The following FLNC variants were observed in gnomAD, a reference collection of about 807,000 sequenced individuals.
FLNC encodes filamin C, also known as filamin-C.
In FLNC, 91 loss-of-function variants were observed where a neutral mutation model predicts 254.3. The observed-to-expected ratio is 0.36, with a 90% CI of 0.30 to 0.43. The LOEUF is 0.43. Among genes scored for constraint, FLNC ranks in the 20% least tolerant of loss-of-function variants. The pLI is 1.00. For missense variants in FLNC, 2,853 were observed against 3,802.6 expected (o/e 0.75, Z 6.57); for synonymous variants, 1,430 against 1,577.2 (o/e 0.91, Z 2.21).
intron 39 of FLNC, 68 bp from the exon 40 acceptor site, chr7:128,853,906 G>T: frequency 6.2e-7 from 1 of 1,613,068 alleles, no homozygotes; most frequent in African/African-American, 1.3e-5. Flanking sequence ...GAGCCCACCT[G>T]TCGGGCCTCC....
chr7:128,849,307 T>G (rs1264280239), intron 29 of FLNC, 24 bp from the exon 30 acceptor site: 2 of 1,614,082 alleles, frequency 1.2e-6, no homozygotes, highest in East Asian at 2.2e-5. Flanking sequence ...ACCAGCTCCC[T>G]GAGCAGGATC....
In FLNC at chr7:128,837,567, C is replaced by T. The variant is rs776614185; in HGVS notation, c.850+19C>T. On this transcript the variant is annotated intron_variant, in intron 4 of 47. Coordinates refer to ENST00000325888, the MANE Select transcript of FLNC (RefSeq NM_001458.5). ...GGGCCTGGTATGTGTGAGCCCCTGG[C>T]GGCCCTCCTGGGCAGCTGGGCACAT... 3.4e-5 allele frequency: 55 copies of T among 1,613,868 alleles called. No individual in the cohort carries two copies. Among genetic ancestry groups the T allele is most frequent in the South Asian group, 2.7e-4 (25 of 91,096 alleles).
Position 128,844,212 on chromosome 7 carries a change from G to C in FLNC, c.3138G>C (p.Pro1046=), listed in dbSNP as rs369739262. Reference sequence around the variant, plus strand: ...TGGATATCACCTACGATGGTCACCCGGTGCCTGGCAGCCCGTTTGCTGTGG... The same window carrying C: ...TGGATATCACCTACGATGGTCACCCCGTGCCTGGCAGCCCGTTTGCTGTGG... ...YKVDITYDGH[P]VPGSPFAVEG... The change falls in exon 20 of 48, where the codon CCG becomes CCC. Residue 1046 remains proline, a synonymous_variant. Coordinates refer to ENST00000325888, the MANE Select transcript of FLNC (RefSeq NM_001458.5). The C allele has an allele frequency of 6.2e-7, 1 of 1,612,204 alleles. No homozygotes were observed. Among genetic ancestry groups the C allele is most frequent in the Admixed American group, 1.7e-5 (1 of 59,964 alleles).
In FLNC at chr7:128,849,570, C is replaced by G. The variant is rs1255727604; in HGVS notation, c.5191C>G (p.His1731Asp). Residue 1731 changes from histidine (H) to aspartate (D), a missense_variant, in exon 30 of 48, where the codon CAC (histidine) becomes GAC (aspartate). By Grantham distance (81) the His-to-Asp change is moderately conservative. This residue lies in a region of FLNC where 258 missense variants were observed against 312.3 expected (regional missense o/e 0.83). Coordinates refer to ENST00000325888, the MANE Select transcript of FLNC (RefSeq NM_001458.5). ...GGEHIPNSPF[H>D]VLACDPLPHE... ...TGAGCACATCCCCAACAGCCCCTTC[C>G]ACGTGCTGGTAAGTTCTGTAGCCAC... 1.2e-6 allele frequency: 2 copies of G among 1,613,962 alleles called. No individual in the cohort carries two copies. Among genetic ancestry groups the G allele is most frequent in the Non-Finnish European group, 1.7e-6 (2 of 1,180,010 alleles).
chr7:128,835,694 C>T lies in FLNC; in HGVS notation c.601+120C>T, dbSNP rs1219379464. The T allele has an allele frequency of 1.0e-5, 12 of 1,161,960 alleles. No individual in the cohort carries two copies. The highest frequency in any genetic ancestry group is 1.5e-5 in the African/African-American group (1 of 65,916). The allele number at this position is 1,161,960 out of a possible 1,614,324, so 72.0% of individuals were successfully genotyped here. ...CACCCTGGGGCCTGGGGGCCAGGATCCCCTGCAGGGTTTGTCCTCCTCCAG... is the reference window on the plus strand; with the variant it reads ...CACCCTGGGGCCTGGGGGCCAGGATTCCCTGCAGGGTTTGTCCTCCTCCAG... On this transcript the variant is annotated intron_variant, in intron 2 of 47. Coordinates refer to ENST00000325888, the MANE Select transcript of FLNC (RefSeq NM_001458.5). This position sits in a 1 kb window ranked among gnomAD's most constrained non-coding sequence, Gnocchi z 5.3.
rs1266842958 is a variant in FLNC at position 128,846,119 on chromosome 7, A to G, written c.3920A>G (p.Asn1307Ser). The G allele has an allele frequency of 6.2e-7, 1 of 1,613,924 alleles. No individual in the cohort carries two copies. Among genetic ancestry groups the G allele is most frequent in the Non-Finnish European group, 8.5e-7 (1 of 1,179,962 alleles). ...AAGACAGACACCTATGTGACAGACA[A>G]TGGGGACGGCACCTACCGAGTGCAG... ...GAKTDTYVTD[N>S]GDGTYRVQYT... Residue 1307 changes from asparagine to serine, a missense_variant, in exon 22 of 48, where the codon AAT becomes AGT. By Grantham distance (46) the Asn-to-Ser change is conservative. This residue lies in a region of FLNC where 1,573 missense variants were observed against 1,883.5 expected (regional missense o/e 0.84). Coordinates refer to ENST00000325888, the MANE Select transcript of FLNC (RefSeq NM_001458.5).
Position 128,843,327 on chromosome 7 carries a change from TC to T in FLNC, c.2641+9del. ...CTGGGCTGAATCGCACAGGTGAGTGTCTGGGCAGGGGCTGGGACTGGCTCGA... is the reference window on the plus strand; with the variant it reads ...CTGGGCTGAATCGCACAGGTGAGTGTTGGGCAGGGGCTGGGACTGGCTCGA... On this transcript the variant is annotated intron_variant, in intron 17 of 47. Transcript: ENST00000325888. The T allele has an allele frequency of 1.2e-6, 2 of 1,613,112 alleles. No homozygotes were observed. Among genetic ancestry groups the T allele is most frequent in the Non-Finnish European group, 1.7e-6 (2 of 1,179,620 alleles).
At chr7:128,839,292 T>C (rs750459027) in intron 8 of FLNC, among the ~76,000 whole-genome samples, 4 of 152,228 alleles carry the variant, frequency 2.6e-5, no homozygotes, top group Non-Finnish European at 5.9e-5. Flanking sequence ...TGCCGTTGTC[T>C]GTGTTCTGTG....
In FLNC at chr7:128,840,985, G is replaced by T; in HGVS notation, c.1813+15G>T. 1 of 1,584,550 alleles carries T rather than the reference G, an allele frequency of 6.3e-7. No individual in the cohort carries two copies. Among genetic ancestry groups the T allele is most frequent in the East Asian group, 2.3e-5 (1 of 43,160 alleles). On this transcript the variant is annotated intron_variant, in intron 11 of 47. Coordinates refer to ENST00000325888, the MANE Select transcript of FLNC (RefSeq NM_001458.5). ...GGGGACACTGGGTAAGTGGCTGGGG[G>T]GCAGGAGGAGGGAGTGCTGCGGGGG...
chr7:128,831,912 G>T (rs75910836), intron 1 of FLNC, among the ~76,000 whole-genome samples: 89 of 152,282 alleles, frequency 5.8e-4, no homozygotes, highest in African/African-American at 2.1e-3. Flanking sequence ...CATCCCTGAG[G>T]CTGGGGGCCT....
At chr7:128,848,503 C>T (rs1410408847) in intron 26 of FLNC, 58 bp from the exon 27 acceptor site, 2 of 1,572,182 alleles carry the variant, frequency 1.3e-6, no homozygotes, top group African/African-American at 1.3e-5. Context: ...GATGAGATCA[C>T]CCCCCACCGC....
chr7:128,852,512 C>T (rs1808861341), intron 35 of FLNC, 79 bp from the exon 36 acceptor site: 1 of 1,554,986 alleles, frequency 6.4e-7, no homozygotes, highest in South Asian at 1.1e-5. Flanking sequence ...GGGGGGGCTG[C>T]TCAGGAGGGT....
chr7:128,831,071 G>C, intron 1 of FLNC, 82 bp downstream of exon 1: 1 of 1,356,916 alleles, frequency 7.4e-7, no homozygotes, highest in Non-Finnish European at 1.0e-6. Context: ...GGGTGGGCGC[G>C]CGGGGAGCTG....
intron 1 of FLNC, among the ~76,000 whole-genome samples, chr7:128,834,652 A>T (rs1003321788): frequency 2.0e-5 from 3 of 152,058 alleles, no homozygotes; most frequent in African/African-American, 7.2e-5. Context: ...GAAAGATAAA[A>T]CCTAGTGTCT....
At chr7:128,839,669 G>A (rs1268118586) in intron 8 of FLNC, among the ~76,000 whole-genome samples, 1 of 152,260 alleles carries the variant, frequency 6.6e-6, no homozygotes, top group African/African-American at 2.4e-5. Flanking sequence ...GCATGACTTA[G>A]ATCCTAAGGT....
Position 128,836,841 on chromosome 7 carries a change from G to A in FLNC, c.602-319G>A, listed in dbSNP as rs554839586. On this transcript the variant is annotated intron_variant, in intron 2 of 47. Coordinates refer to ENST00000325888, the MANE Select transcript of FLNC (RefSeq NM_001458.5). The surrounding 1 kb of genome is among the most constrained non-coding windows in gnomAD (Gnocchi z 6.0). The stretch of plus-strand genomic sequence containing the variant: ...TGAATGAGGCAAGAGATAGCGAGAG[G>A]GGGTACCCTCCCAGGGTTTGGGGTT... Among the ~76,000 whole-genome samples, 3 of 152,326 alleles carry A rather than the reference G, an allele frequency of 2.0e-5. No homozygotes were observed. The highest frequency in any genetic ancestry group is 7.2e-5 in the African/African-American group (3 of 41,570).
rs749292393 is a variant in FLNC, at chr7:128,853,538, A to C, written c.6278A>C (p.Asp2093Ala). 6.2e-7 allele frequency: 1 copy of C among 1,614,084 alleles called. No homozygotes were observed. The highest frequency in any genetic ancestry group is 8.5e-7 in the Non-Finnish European group (1 of 1,180,024). Residue 2093 changes from aspartate to alanine, a missense_variant, in exon 38 of 48, where the codon GAC (aspartate) becomes GCC (alanine). Physicochemically the swap from Asp to Ala is moderately radical, Grantham distance 126. This residue lies in a region of FLNC where 551 missense variants were observed against 835.0 expected (regional missense o/e 0.66). Transcript: ENST00000325888. ...GACATCAACTGTGAGGACATGGAGG[A>C]CGGGACATGCAAAGTCACCTACTGC... Reference protein sequence around the residue: ...KVDINCEDMEDGTCKVTYCPT... With the variant: ...KVDINCEDMEAGTCKVTYCPT...
Position 128,837,677 on chromosome 7 carries a change from C to T in FLNC, c.891C>T (p.His297=). ...GCAACACCGTGCTGCAGCCTGCCCA[C>T]TTCACCGTGCAGACGGTGGACGCGG... ...PQGNTVLQPA[H]FTVQTVDAGV... The change falls in exon 5 of 48, where the codon CAC becomes CAT. Residue 297 remains histidine, a synonymous_variant. Transcript: ENST00000325888. The T allele has an allele frequency of 1.2e-6, 2 of 1,612,250 alleles. No homozygotes were observed. Among genetic ancestry groups the T allele is most frequent in the Non-Finnish European group, 1.7e-6 (2 of 1,179,924 alleles).
intron 8 of FLNC, 77 bp downstream of exon 8, chr7:128,838,880 G>A: frequency 4.9e-6 from 7 of 1,418,944 alleles, no homozygotes; most frequent in Non-Finnish European, 6.9e-6. Flanking sequence ...GAAGAGCTGG[G>A]GCGGGGGTCT....
Sources: allele counts gnomAD v4.1 joint callset (sites outside exome capture counted in the v4.1 genomes callset), GRCh38; gene constraint gnomAD v4.1.1; regional missense constraint gnomAD v4.1.1; non-coding constraint Gnocchi (gnomAD v3.1); transcripts MANE v1.5; gene names NCBI Gene and HGNC (gene_info 2026-07-23, HGNC 2026-07-21).